Variants in DLG2 observed in about 807,000 individuals in gnomAD.
DLG2 encodes the protein discs large MAGUK scaffold protein 2, also known as disks large homolog 2.
In DLG2, 45 loss-of-function variants were observed where a neutral mutation model predicts 132.5. That is an observed-to-expected ratio of 0.34 (90% CI 0.27 to 0.44). The LOEUF is 0.44. Ranked by LOEUF, DLG2 falls within the 20% of genes least tolerant of loss-of-function variation. The probability of loss-of-function intolerance (pLI) is 1.00; values close to 1 mark genes in which losing one functional copy is unlikely to be tolerated. For missense variants in DLG2, 1,045 were observed against 1,196.9 expected, an observed-to-expected ratio of 0.87 and a Z score of 1.87; for synonymous variants, 424 against 419.6, an observed-to-expected ratio of 1.01 and a Z score of -0.13.
chr11:84,655,171 A>T (rs574158150), intron 6 of DLG2, among the ~76,000 whole-genome samples: 3 of 152,290 alleles, frequency 2.0e-5, no homozygotes, highest in South Asian at 4.1e-4. Flanking sequence ...CCCATCATCA[A>T]TAGGTTTGCA....
chr11:84,121,015 T>C (rs1566591581), intron 9 of DLG2, among the ~76,000 whole-genome samples: 1 of 152,212 alleles, frequency 6.6e-6, no homozygotes, highest in Non-Finnish European at 1.5e-5. Context: ...TGCTCATTCA[T>C]TCAATTCATT....
intron 10 of DLG2, among the ~76,000 whole-genome samples, chr11:84,096,567 G>T (rs1386017596): frequency 6.6e-6 from 1 of 152,036 alleles, no homozygotes; most frequent in Non-Finnish European, 1.5e-5. Context: ...TTAAAGGGTG[G>T]AGGTTCTCCC....
intron 3 of DLG2, among the ~76,000 whole-genome samples, chr11:85,353,288 A>C (rs1409207828): frequency 6.6e-6 from 1 of 152,232 alleles, no homozygotes. Context: ...CCACAATGAG[A>C]TACCATCTCA....
chr11:84,592,543 G>T (rs749365353), intron 6 of DLG2, among the ~76,000 whole-genome samples: 22 of 151,966 alleles, frequency 1.4e-4, no homozygotes, highest in Non-Finnish European at 2.8e-4. Flanking sequence ...CTACAGAATG[G>T]GAGAAATTTT....
At chr11:85,414,673 A>G (rs2089658892) in intron 3 of DLG2, among the ~76,000 whole-genome samples, 1 of 151,632 alleles carries the variant, frequency 6.6e-6, no homozygotes, top group Non-Finnish European at 1.5e-5. Flanking sequence ...CTTGATGATC[A>G]CTCTATTGCT....
intron 4 of DLG2, among the ~76,000 whole-genome samples, chr11:85,201,874 T>C (rs1261693363): frequency 2.7e-5 from 4 of 150,636 alleles, no homozygotes; most frequent in Non-Finnish European, 5.9e-5. Flanking sequence ...CTGAAATTTG[T>C]CAGAGAAATG....
chr11:84,237,810 G>C (rs900109656), intron 8 of DLG2, among the ~76,000 whole-genome samples: 2 of 152,032 alleles, frequency 1.3e-5, no homozygotes, highest in African/African-American at 4.8e-5. Context: ...GGCTGAAGCA[G>C]GTGGATCATG....
At position 85,596,547 on chromosome 11, in the gene DLG2, G is replaced by A. The variant is rs1355443068; in HGVS notation, c.40+2110C>T. On this transcript the variant is annotated intron_variant, in intron 3 of 27. Coordinates refer to ENST00000376104, the MANE Select transcript of DLG2 (RefSeq NM_001142699.3). ...ATTATGATTCTCTTCTATTTCTACA[G>A]CTAATGAGAGTCGTGCGAGGTACTA... Among the ~76,000 whole-genome samples the A allele has an allele frequency of 2.0e-5, 3 of 152,104 alleles. No individual in the cohort carries two copies. The East Asian group carries it at 5.8e-4, about 29-fold the overall frequency.
At chr11:85,093,646 G>A (rs533575412) in intron 6 of DLG2, among the ~76,000 whole-genome samples, 62 of 152,262 alleles carry the variant, frequency 4.1e-4, no homozygotes, top group African/African-American at 1.1e-3. Context: ...GAACGTGTGC[G>A]GGGGAACTCT....
intron 6 of DLG2, among the ~76,000 whole-genome samples, chr11:84,827,144 T>C (rs1280117550): frequency 2.0e-5 from 3 of 151,762 alleles, no homozygotes; most frequent in South Asian, 2.1e-4. Context: ...GAAATGATCA[T>C]ACAAGTAAGG....
intron 3 of DLG2, among the ~76,000 whole-genome samples, chr11:85,467,886 T>C (rs1363095546): frequency 6.6e-6 from 1 of 152,258 alleles, no homozygotes; most frequent in African/African-American, 2.4e-5. Flanking sequence ...GAAGTAATGC[T>C]ACCAGCAACT....
At chr11:84,069,637 T>C (rs1012555338) in intron 10 of DLG2, among the ~76,000 whole-genome samples, 2 of 152,184 alleles carry the variant, frequency 1.3e-5, no homozygotes, top group Non-Finnish European at 1.5e-5. Context: ...GAATGTACTG[T>C]TTTTCCCCTC....
At chr11:84,198,476 AAAAGTTTAT>A (rs2096551324) in intron 8 of DLG2, among the ~76,000 whole-genome samples, 1 of 152,138 alleles carries the variant, frequency 6.6e-6, no homozygotes, top group Non-Finnish European at 1.5e-5. Flanking sequence ...GCCTCTAGCT[AAAAGTTTAT>A]TTTTGTTGTG....
At chr11:84,703,896 G>A (rs1411650804) in intron 6 of DLG2, among the ~76,000 whole-genome samples, 9 of 117,702 alleles carry the variant, frequency 7.6e-5, no homozygotes, top group African/African-American at 3.3e-4. Context: ...ACGTGTGTGT[G>A]TGTGTGTGTG....
At chr11:84,853,276 C>A (rs1017639900) in intron 6 of DLG2, among the ~76,000 whole-genome samples, 1 of 151,884 alleles carries the variant, frequency 6.6e-6, no homozygotes, top group South Asian at 2.1e-4. Context: ...GAAAGGCAAA[C>A]GTGACCCAGT....
chr11:84,982,346 C>T (rs1022077920), intron 6 of DLG2, among the ~76,000 whole-genome samples: 9 of 152,088 alleles, frequency 5.9e-5, no homozygotes, highest in Non-Finnish European at 1.2e-4. Context: ...CCACCCAGAA[C>T]CTGACATTCC....
chr11:84,970,588 T>C (rs750380598), intron 6 of DLG2, among the ~76,000 whole-genome samples: 1 of 152,152 alleles, frequency 6.6e-6, no homozygotes, highest in Non-Finnish European at 1.5e-5. Context: ...TAACCTCACA[T>C]AGCAGAAGAG....
chr11:85,605,564 C>A (rs1346594438), intron 2 of DLG2, among the ~76,000 whole-genome samples: 1 of 152,170 alleles, frequency 6.6e-6, no homozygotes, highest in African/African-American at 2.4e-5. Context: ...TATATCCAGA[C>A]ACTGGGAACA....
intron 6 of DLG2, among the ~76,000 whole-genome samples, chr11:84,914,963 C>G (rs1411506814): frequency 6.6e-6 from 1 of 152,068 alleles, no homozygotes; most frequent in Non-Finnish European, 1.5e-5. Context: ...GGCTAAATCC[C>G]AAAGGCCAGG....
Sources: allele counts gnomAD v4.1 joint callset (sites outside exome capture counted in the v4.1 genomes callset), GRCh38; gene constraint gnomAD v4.1.1; transcripts MANE v1.5; gene names NCBI Gene and HGNC (gene_info 2026-07-23, HGNC 2026-07-21).